The following CTNND2 variants were observed in gnomAD, a reference collection of about 807,000 sequenced individuals.
CTNND2 encodes catenin delta 2, also known as catenin delta-2.
CTNND2 carries 22 observed loss-of-function variants against 144.4 expected under a neutral mutation model. The observed-to-expected ratio is 0.15, with a 90% CI of 0.11 to 0.22. The LOEUF (loss-of-function observed/expected upper bound fraction) is 0.22, where lower values mean the gene tolerates loss of function less well. CTNND2 is among the 10% of genes least tolerant of loss of function. CTNND2 has a pLI of 1.00. For synonymous variants in CTNND2, 751 were observed against 695.6 expected, an observed-to-expected ratio of 1.08 and a Z score of -1.25; for missense variants, 1,353 against 1,618.8, an observed-to-expected ratio of 0.84 and a Z score of 2.82.
intron 16 of CTNND2, among the ~76,000 whole-genome samples, chr5:11,065,125 C>T (rs1747424129): frequency 6.6e-6 from 1 of 152,206 alleles, no homozygotes; most frequent in Admixed American, 6.5e-5. Context: ...CCTTTGGAGA[C>T]AACTGGGAAG....
intron 9 of CTNND2, among the ~76,000 whole-genome samples, chr5:11,323,680 T>G (rs1752267720): frequency 6.6e-6 from 1 of 152,164 alleles, no homozygotes; most frequent in Non-Finnish European, 1.5e-5. Flanking sequence ...AAACAAATAT[T>G]AAGTTGAGGC....
chr5:11,674,948 AAAT>A (rs1784096093), intron 2 of CTNND2, among the ~76,000 whole-genome samples: 3 of 152,094 alleles, frequency 2.0e-5, no homozygotes, highest in African/African-American at 7.2e-5. Flanking sequence ...GGCTGGTCTC[AAAT>A]TCCTGACCAT....
At chr5:11,154,364 T>C (rs1758023110) in intron 12 of CTNND2, among the ~76,000 whole-genome samples, 1 of 152,160 alleles carries the variant, frequency 6.6e-6, no homozygotes. Context: ...ATATGAACCT[T>C]CTTTGGCCGA....
chr5:11,493,219 G>A (rs11747109), intron 3 of CTNND2, among the ~76,000 whole-genome samples: 13,217 of 152,194 alleles, frequency 0.087, 722 homozygotes, highest in Non-Finnish European at 0.13. Flanking sequence ...CCTGCTGTGT[G>A]GAAAGCAAAG....
chr5:11,667,488 G>C (rs931737387), intron 2 of CTNND2, among the ~76,000 whole-genome samples: 3 of 152,142 alleles, frequency 2.0e-5, no homozygotes, highest in Non-Finnish European at 2.9e-5. Context: ...ATCTCATTGT[G>C]GTTTTGATTG....
intron 2 of CTNND2, among the ~76,000 whole-genome samples, chr5:11,605,837 C>G (rs908505926): frequency 3.9e-5 from 6 of 152,076 alleles, no homozygotes; most frequent in Non-Finnish European, 8.8e-5. Context: ...CTAAAGATGT[C>G]CCCCGCCCAA....
intron 2 of CTNND2, among the ~76,000 whole-genome samples, chr5:11,641,566 A>G (rs1005867324): frequency 7.3e-6 from 1 of 136,566 alleles, no homozygotes; most frequent in Non-Finnish European, 1.6e-5. Context: ...ATGTACATAC[A>G]TATACGTGTG....
chr5:11,287,943 A>T (rs1035689368), intron 9 of CTNND2, among the ~76,000 whole-genome samples: 2 of 152,276 alleles, frequency 1.3e-5, no homozygotes, highest in Middle Eastern at 3.4e-3. Flanking sequence ...TAGTTTTTTT[A>T]TTTTTATTTT....
intron 3 of CTNND2, among the ~76,000 whole-genome samples, chr5:11,414,141 G>A (rs1220277675): frequency 6.6e-6 from 1 of 152,142 alleles, no homozygotes; most frequent in Non-Finnish European, 1.5e-5. Context: ...AGACTGGAGT[G>A]ATGCAGGCAC....
intron 1 of CTNND2, among the ~76,000 whole-genome samples, chr5:11,887,100 C>T (rs1310996888): frequency 6.6e-6 from 1 of 150,634 alleles, no homozygotes; most frequent in Non-Finnish European, 1.5e-5. Context: ...TCTTCTGCCT[C>T]AGCCTCCCCG....
chr5:11,676,190 T>C (rs547286850), intron 2 of CTNND2, among the ~76,000 whole-genome samples: 4 of 152,220 alleles, frequency 2.6e-5, no homozygotes. Flanking sequence ...CTTTTAGGTA[T>C]AAAAACAGCT....
intron 1 of CTNND2, among the ~76,000 whole-genome samples, chr5:11,794,776 C>T (rs1222750176): frequency 6.6e-6 from 1 of 152,100 alleles, no homozygotes; most frequent in Non-Finnish European, 1.5e-5. Flanking sequence ...TGCTTAGGAT[C>T]CAAGCAGATG....
intron 9 of CTNND2, among the ~76,000 whole-genome samples, chr5:11,272,303 T>A (rs115504674): frequency 6.0e-4 from 91 of 152,360 alleles, no homozygotes; most frequent in Non-Finnish European, 9.7e-4. Flanking sequence ...CCATCAATTA[T>A]GATATATTCA....
intron 1 of CTNND2, among the ~76,000 whole-genome samples, chr5:11,832,361 A>C (rs1159704827): frequency 6.6e-6 from 1 of 152,218 alleles, no homozygotes; most frequent in Non-Finnish European, 1.5e-5. Flanking sequence ...GACAAGGCAC[A>C]GTCTGGGAGA....
intron 12 of CTNND2, among the ~76,000 whole-genome samples, chr5:11,154,239 G>A (rs557738406): frequency 2.2e-4 from 34 of 152,188 alleles, no homozygotes; most frequent in Non-Finnish European, 3.8e-4. Flanking sequence ...TCAGAAGCTA[G>A]TTCAATGTCG....
intron 11 of CTNND2, among the ~76,000 whole-genome samples, chr5:11,173,615 T>A (rs1295208433): frequency 1.3e-5 from 2 of 152,234 alleles, no homozygotes; most frequent in Non-Finnish European, 2.9e-5. Context: ...GTAACTGTCA[T>A]AATTGGGTTT....
chr5:11,601,962 A>G (rs1353093803), intron 2 of CTNND2, among the ~76,000 whole-genome samples: 2 of 151,728 alleles, frequency 1.3e-5, no homozygotes, highest in Non-Finnish European at 2.9e-5. Context: ...CCCGCCAAAC[A>G]CTCTAGAAGA....
intron 9 of CTNND2, among the ~76,000 whole-genome samples, chr5:11,324,779 C>T (rs184195768): frequency 2.6e-5 from 4 of 152,168 alleles, no homozygotes; most frequent in Admixed American, 2.6e-4. Flanking sequence ...TATAGTTGGC[C>T]CATTGTTTAA....
Position 11,799,615 on chromosome 5 carries a change from G to C in CTNND2, c.38-67343C>G, listed in dbSNP as rs533706314. On this transcript the variant is annotated intron_variant, in intron 1 of 21. Transcript: ENST00000304623. ...AATTTAATAGGAAAAGACATTAGCT[G>C]TTATTACTACCATATTATGAAATAT... 2.4e-4 allele frequency among the ~76,000 whole-genome samples: 36 copies of C among 152,220 alleles called. 1 individual carries two copies. The South Asian group carries it at 5.8e-3, about 25-fold the overall frequency.
Sources: allele counts gnomAD v4.1 joint callset (sites outside exome capture counted in the v4.1 genomes callset), GRCh38; gene constraint gnomAD v4.1.1; transcripts MANE v1.5; gene names NCBI Gene and HGNC (gene_info 2026-07-23, HGNC 2026-07-21).